MAP3K20: variants seen among roughly 807,000 people sequenced by gnomAD.
MAP3K20 encodes the protein mitogen-activated protein kinase kinase kinase 20.
MAP3K20 carries 40 observed loss-of-function variants against 85.7 expected under a neutral mutation model. The observed-to-expected ratio is 0.47, with a 90% confidence interval of 0.36 to 0.61. The LOEUF (loss-of-function observed/expected upper bound fraction) is 0.61. Among genes scored for constraint, MAP3K20 ranks in the 20% least tolerant of loss-of-function variants. The probability of loss-of-function intolerance (pLI) is 0.00; values close to 1 mark genes in which losing one functional copy is unlikely to be tolerated. For missense variants in MAP3K20, 817 were observed against 961.7 expected, an observed-to-expected ratio of 0.85 and a Z score of 1.99; for synonymous variants, 325 against 327.7, an observed-to-expected ratio of 0.99 and a Z score of 0.09.
intron 2 of MAP3K20, among the ~76,000 whole-genome samples, chr2:173,115,651 C>T (rs1285486877): frequency 6.6e-6 from 1 of 152,138 alleles, no homozygotes; most frequent in Non-Finnish European, 1.5e-5. Context: ...ATGTGGCTTC[C>T]TGTGAGCCAA....
chr2:173,251,130 ATTC>A (rs746307692), intron 16 of MAP3K20, among the ~76,000 whole-genome samples: 7 of 152,130 alleles, frequency 4.6e-5, no homozygotes, highest in Non-Finnish European at 7.4e-5. Flanking sequence ...TTTTTATCGT[ATTC>A]TTATTTCATC....
rs11438779 is a variant in MAP3K20 at position 173,202,413 on chromosome 2, G to GT, written c.670-1379dup. Among the ~76,000 whole-genome samples the GT allele has an allele frequency of 9.2e-3, 1,396 of 152,226 alleles. 23 individuals carry two copies. The highest frequency in any genetic ancestry group is 0.03 in the African/African-American group (1,233 of 41,528). ...CCTCCCCCAAATCCAGCCAAGTTCAGTTTTAAGTTTTTTATTTGCAAAACT... is the reference window on the plus strand; with the variant it reads ...CCTCCCCCAAATCCAGCCAAGTTCAGTTTTTAAGTTTTTTATTTGCAAAACT... On this transcript the variant is annotated intron_variant, in intron 8 of 19. Transcript: ENST00000375213.
chr2:173,113,280 CTCT>C (rs1390438680), intron 2 of MAP3K20, among the ~76,000 whole-genome samples: 4 of 151,818 alleles, frequency 2.6e-5, no homozygotes, highest in African/African-American at 7.3e-5. Context: ...GGATTTTTTT[CTCT>C]TCTTTGCTTG....
At chr2:173,197,172 G>T (rs771082637) in intron 7 of MAP3K20, among the ~76,000 whole-genome samples, 1 of 152,058 alleles carries the variant, frequency 6.6e-6, no homozygotes, top group Non-Finnish European at 1.5e-5. Context: ...TCACATTTTT[G>T]AACTCCATTT....
chr2:173,249,282 A>G (rs1245240638), intron 16 of MAP3K20, among the ~76,000 whole-genome samples: 6 of 152,240 alleles, frequency 3.9e-5, no homozygotes, highest in Non-Finnish European at 8.8e-5. Flanking sequence ...TAGAGACCTC[A>G]GTACTCACAG....
intron 16 of MAP3K20, among the ~76,000 whole-genome samples, chr2:173,247,687 C>A (rs1684950270): frequency 6.6e-6 from 1 of 152,126 alleles, no homozygotes; most frequent in African/African-American, 2.4e-5. Flanking sequence ...AATTTGATCT[C>A]ATGTTAAGCA....
At chr2:173,169,068 A>G (rs1229884433) in intron 2 of MAP3K20, among the ~76,000 whole-genome samples, 1 of 152,208 alleles carries the variant, frequency 6.6e-6, no homozygotes, top group Non-Finnish European at 1.5e-5. Context: ...TATATTTTGC[A>G]TAAATGATTA....
chr2:173,102,401 C>T (rs1329026750), intron 2 of MAP3K20, among the ~76,000 whole-genome samples: 4 of 152,060 alleles, frequency 2.6e-5, no homozygotes, highest in Admixed American at 1.3e-4. Context: ...TTTTCCTGGC[C>T]GTGGTTCTTA....
At chr2:173,115,844 G>C (rs541007953) in intron 2 of MAP3K20, among the ~76,000 whole-genome samples, 4 of 152,170 alleles carry the variant, frequency 2.6e-5, no homozygotes, top group Non-Finnish European at 5.9e-5. Context: ...CTCTGTGAGG[G>C]TTCTTAGCTT....
chr2:173,214,605 T>C (rs746014883), intron 10 of MAP3K20: 50 of 152,216 alleles, frequency 3.3e-4, no homozygotes, highest in Non-Finnish European at 6.6e-4. Context: ...ATATATTCTA[T>C]ATCACTCTTT....
intron 10 of MAP3K20, chr2:173,210,137 A>AG (rs201577563): frequency 0.036 from 11,230 of 313,766 alleles, 276 homozygotes; most frequent in Admixed American, 0.051. Context: ...AGATCACCTG[A>AG]GGTCAGGAGT....
At chr2:173,095,258 C>T (rs1367966919) in intron 2 of MAP3K20, among the ~76,000 whole-genome samples, 2 of 152,102 alleles carry the variant, frequency 1.3e-5, no homozygotes, top group African/African-American at 4.8e-5. Context: ...TTTCTTACTT[C>T]AGGCACAAAA....
At chr2:173,183,098 T>C (rs546446754) in intron 4 of MAP3K20, 143 bp downstream of exon 4, 5 of 640,766 alleles carry the variant, frequency 7.8e-6, no homozygotes, top group Non-Finnish European at 1.3e-5. Context: ...CCACAGCTGA[T>C]GGTACAGATA....
At chr2:173,192,013 C>A (rs1288092492) in intron 7 of MAP3K20, among the ~76,000 whole-genome samples, 5 of 152,118 alleles carry the variant, frequency 3.3e-5, no homozygotes, top group African/African-American at 1.2e-4. Flanking sequence ...TAAAATGTTA[C>A]GTATTCTTTA....
intron 2 of MAP3K20, among the ~76,000 whole-genome samples, chr2:173,106,585 C>T (rs1372401131): frequency 6.6e-6 from 1 of 152,132 alleles, no homozygotes; most frequent in East Asian, 1.9e-4. Flanking sequence ...TCAACAGTTG[C>T]AAGGGTGGAG....
chr2:173,143,149 G>A (rs900641423), intron 2 of MAP3K20, among the ~76,000 whole-genome samples: 4 of 152,138 alleles, frequency 2.6e-5, no homozygotes, highest in Non-Finnish European at 5.9e-5. Flanking sequence ...TGGGAAAAGA[G>A]GGGTATGCAA....
At chr2:173,114,507 T>A (rs536101954) in intron 2 of MAP3K20, among the ~76,000 whole-genome samples, 1 of 152,328 alleles carries the variant, frequency 6.6e-6, no homozygotes, top group East Asian at 1.9e-4. Flanking sequence ...TCCTGTGTGA[T>A]TTATGCTTTA....
chr2:173,149,771 A>C (rs1689247316), intron 2 of MAP3K20, among the ~76,000 whole-genome samples: 1 of 152,186 alleles, frequency 6.6e-6, no homozygotes, highest in Non-Finnish European at 1.5e-5. Flanking sequence ...TTGAGAGGTG[A>C]TACTTTCATT....
At chr2:173,150,398 T>C (rs1471270174) in intron 2 of MAP3K20, among the ~76,000 whole-genome samples, 1 of 152,196 alleles carries the variant, frequency 6.6e-6, no homozygotes, top group Non-Finnish European at 1.5e-5. Context: ...CAACGCTCTA[T>C]TCTCTAGATT....
Sources: gnomAD v4.1 joint callset for allele counts (sites outside exome capture counted in the v4.1 genomes callset) on GRCh38, gnomAD v4.1.1 for gene constraint, MANE v1.5 for transcripts, NCBI Gene and HGNC (gene_info 2026-07-23, HGNC 2026-07-21) for gene names.